Variants in SRGAP2 observed in about 807,000 individuals in gnomAD.
The protein encoded by SRGAP2 is SLIT-ROBO Rho GTPase activating protein 2.
Under a neutral mutation model 57.2 loss-of-function variants are expected in SRGAP2, and 15 were observed. The observed-to-expected ratio is 0.26, with a 90% CI of 0.18 to 0.40. The LOEUF is 0.40. Ranked by LOEUF, SRGAP2 falls within the 10% of genes least tolerant of loss-of-function variation. SRGAP2 has a pLI of 1.00. For synonymous variants in SRGAP2, 249 were observed against 248.0 expected, an observed-to-expected ratio of 1.00 and a Z score of -0.04; for missense variants, 520 against 669.6, an observed-to-expected ratio of 0.78 and a Z score of 2.47.
At chr1:206,225,310 G>A (rs1432745306) in intron 2 of SRGAP2, among the ~76,000 whole-genome samples, 4 of 149,620 alleles carry the variant, frequency 2.7e-5, no homozygotes, top group Non-Finnish European at 5.9e-5. Flanking sequence ...TGGATATTAT[G>A]TTTGACCACA....
chr1:206,220,894 T>C (rs1666945390), intron 2 of SRGAP2, among the ~76,000 whole-genome samples: 1 of 151,258 alleles, frequency 6.6e-6, no homozygotes, highest in African/African-American at 2.4e-5. Flanking sequence ...AAGAAGATCA[T>C]GAGCTAATTT....
rs781785493 is a variant in SRGAP2 at position 206,241,911 on chromosome 1, C to CGTGTGTGT, written c.67+35909_67+35916dup. 1.7e-3 allele frequency among the ~76,000 whole-genome samples: 176 copies of CGTGTGTGT among 104,602 alleles called. 4 individuals are homozygous for CGTGTGTGT. Among genetic ancestry groups the CGTGTGTGT allele is most frequent in the Admixed American group, 4.0e-3 (42 of 10,562 alleles). The allele number at this position is 104,602 out of a possible 152,430, so 68.6% of individuals were successfully genotyped here. ...ATTTTTTAATGCTGGGAGGTGTTTG[C>CGTGTGTGT]GTGTGTGTGTGTGTGTGTGTGTGTG... is the stretch of plus-strand genomic sequence containing the variant. On this transcript the variant is annotated intron_variant, in intron 2 of 22. Transcript: ENST00000573034.
intron 18 of SRGAP2, among the ~76,000 whole-genome samples, chr1:206,448,143 C>T (rs756121876): frequency 2.0e-5 from 3 of 152,170 alleles, no homozygotes; most frequent in South Asian, 2.1e-4. Flanking sequence ...GTGCCAGCCC[C>T]GGGAGCTAAG....
chr1:206,299,702 C>T (rs1471869794), intron 2 of SRGAP2, among the ~76,000 whole-genome samples: 64 of 151,466 alleles, frequency 4.2e-4, no homozygotes, highest in Non-Finnish European at 7.5e-4. Flanking sequence ...TGGAGCTGTA[C>T]GCCTAAGAGT....
intron 21 of SRGAP2, 86 bp from the exon 22 acceptor site, chr1:206,458,537 G>A (rs1045372100): frequency 2.9e-6 from 2 of 684,102 alleles, no homozygotes; most frequent in Non-Finnish European, 5.4e-6. Context: ...GTCCCTGGGT[G>A]CCAACATCTG....
intron 2 of SRGAP2, among the ~76,000 whole-genome samples, chr1:206,227,352 G>A (rs1464638406): frequency 6.6e-6 from 1 of 152,218 alleles, no homozygotes; most frequent in Non-Finnish European, 1.5e-5. Flanking sequence ...AGGCATATAT[G>A]TGGGATTATT....
chr1:206,291,060 T>C (rs1671291112), intron 2 of SRGAP2, among the ~76,000 whole-genome samples: 1 of 151,386 alleles, frequency 6.6e-6, no homozygotes, highest in South Asian at 2.1e-4. Context: ...GATTCTTAAT[T>C]TGGTGAAGGT....
intron 17 of SRGAP2, among the ~76,000 whole-genome samples, chr1:206,445,454 T>C (rs1558441085): frequency 6.6e-6 from 1 of 152,162 alleles, no homozygotes; most frequent in African/African-American, 2.4e-5. Context: ...TGTAATAATC[T>C]AGAAGGAGAT....
chr1:206,230,144 A>G (rs1286776467), intron 2 of SRGAP2, among the ~76,000 whole-genome samples: 8 of 152,192 alleles, frequency 5.3e-5, no homozygotes, highest in African/African-American at 1.9e-4. Context: ...GATTGAGAGA[A>G]AGCCATTCAA....
intron 13 of SRGAP2, among the ~76,000 whole-genome samples, chr1:206,428,009 G>A (rs1660952588): frequency 6.6e-6 from 1 of 152,168 alleles, no homozygotes; most frequent in Non-Finnish European, 1.5e-5. Context: ...GGCTGAGGCA[G>A]GAGGATCACT....
At chr1:206,247,405 T>G (rs1553310246) in intron 2 of SRGAP2, among the ~76,000 whole-genome samples, 2 of 149,834 alleles carry the variant, frequency 1.3e-5, no homozygotes, top group Non-Finnish European at 3.0e-5. Flanking sequence ...TGTCATGTTA[T>G]GTGGGCATAT....
chr1:206,415,366 A>AT (rs782181213), intron 10 of SRGAP2, among the ~76,000 whole-genome samples: 1 of 152,252 alleles, frequency 6.6e-6, no homozygotes, highest in Non-Finnish European at 1.5e-5. Context: ...TAAAGACTCC[A>AT]TGCAGAATAG....
intron 13 of SRGAP2, among the ~76,000 whole-genome samples, chr1:206,425,772 T>C (rs1553366087): frequency 1.3e-5 from 2 of 151,826 alleles, no homozygotes; most frequent in African/African-American, 4.8e-5. Flanking sequence ...TGACCTCAGG[T>C]GATCTGCCTG....
intron 19 of SRGAP2, among the ~76,000 whole-genome samples, chr1:206,452,186 T>C (rs1484519867): frequency 5.9e-5 from 9 of 152,198 alleles, no homozygotes; most frequent in African/African-American, 2.2e-4. Context: ...AAGACACGAT[T>C]ATTAATCTCC....
intron 2 of SRGAP2, among the ~76,000 whole-genome samples, chr1:206,281,925 CAAA>C (rs1286343549): frequency 4.4e-5 from 6 of 135,418 alleles, no homozygotes; most frequent in African/African-American, 1.8e-4. Context: ...AAAAAAAAAA[CAAA>C]AAAAAACCTT....
intron 3 of SRGAP2, among the ~76,000 whole-genome samples, chr1:206,308,943 TAGG>T (rs1416771581): frequency 2.1e-5 from 3 of 139,944 alleles, no homozygotes; most frequent in Non-Finnish European, 4.6e-5. Flanking sequence ...GAGGGTAAGA[TAGG>T]AGGATCTCCT....
intron 2 of SRGAP2, among the ~76,000 whole-genome samples, chr1:206,237,210 C>T (rs540596017): frequency 2.6e-5 from 4 of 151,786 alleles, no homozygotes; most frequent in African/African-American, 7.3e-5. Flanking sequence ...TGCAGTGAGC[C>T]GAGATCACAC....
At chr1:206,443,352 T>A (rs1558439002) in intron 17 of SRGAP2, among the ~76,000 whole-genome samples, 2 of 152,126 alleles carry the variant, frequency 1.3e-5, no homozygotes, top group Non-Finnish European at 2.9e-5. Flanking sequence ...TCTTTGTTTT[T>A]ATTTTGTTGT....
intron 11 of SRGAP2, among the ~76,000 whole-genome samples, chr1:206,416,692 C>G (rs1659733661): frequency 6.6e-6 from 1 of 152,122 alleles, no homozygotes; most frequent in Non-Finnish European, 1.5e-5. Flanking sequence ...GGCACCCTGC[C>G]CAGATTTCCT....
Sources: allele counts gnomAD v4.1 joint callset (sites outside exome capture counted in the v4.1 genomes callset), GRCh38; gene constraint gnomAD v4.1.1; transcripts MANE v1.5; gene names NCBI Gene and HGNC (gene_info 2026-07-23, HGNC 2026-07-21).